The following EMC1 variants were observed in gnomAD, a reference collection of about 807,000 sequenced individuals.
The protein encoded by EMC1 is ER membrane protein complex subunit 1.
A neutral mutation model predicts 128.8 loss-of-function variants in EMC1; 103 were observed. The observed-to-expected ratio is 0.80, with a 90% CI of 0.68 to 0.94. The LOEUF is 0.94. EMC1 is among the 40% of genes least tolerant of loss of function. EMC1 has a pLI of 0.00. For synonymous variants in EMC1, 442 were observed against 490.4 expected (o/e 0.90, Z 1.30); for missense variants, 1,083 against 1,250.6 (o/e 0.87, Z 2.02).
intron 2 of EMC1, among the ~76,000 whole-genome samples, chr1:19,244,331 C>T (rs939441668): frequency 6.6e-6 from 1 of 152,158 alleles, no homozygotes; most frequent in African/African-American, 2.4e-5. Context: ...TATTTTAGTG[C>T]CTAAAAACAT....
rs2093515633 is a variant in EMC1 at position 19,230,840 on chromosome 1, C to T, written c.2064+4G>A. The T allele has an allele frequency of 1.2e-6, 2 of 1,613,506 alleles. No homozygotes were observed. The highest frequency in any genetic ancestry group is 3.3e-5 in the Admixed American group (2 of 59,940). ...AAGGGTTGTGCCAGGACATGCCTTC[C>T]TACCTTTCGAAGCCGATATCCACAC... On this transcript the variant is annotated splice_donor_region_variant and intron_variant, in intron 17 of 22. Coordinates refer to ENST00000477853, the MANE Select transcript of EMC1 (RefSeq NM_015047.3).
rs138442691 is a variant in EMC1, at chr1:19,217,958, T to C, written c.*1345A>G. 8.5e-5 allele frequency: 13 copies of C among 152,318 alleles called. No individual in the cohort carries two copies. The East Asian group carries it at 2.3e-3, about 27-fold the overall frequency. 9.4% of individuals were successfully genotyped at this position (152,318 alleles called of 1,614,324 possible). A position where few individuals can be genotyped will look rare whatever the true frequency, so the allele number is the denominator to read the frequency against. ...ATTTTTAGATAACCTAACCAACCCA[T>C]ATATGATTAAACTGACCTTTCCTTA... is the stretch of plus-strand genomic sequence containing the variant. On this transcript the variant is annotated 3_prime_UTR_variant, in exon 23 of 23. Transcript: ENST00000477853.
chr1:19,221,600 C>CA (rs2093431703), intron 20 of EMC1: 1 of 148,324 alleles, frequency 6.7e-6, no homozygotes, highest in South Asian at 2.2e-4. Context: ...CGCACCACTG[C>CA]ACTCCAGCCT....
chr1:19,250,218 C>CAAAAAA (rs55743743), intron 1 of EMC1, among the ~76,000 whole-genome samples: 3 of 48,228 alleles, frequency 6.2e-5, no homozygotes, highest in African/African-American at 2.1e-4. Context: ...AAAACTGTCT[C>CAAAAAA]AAAAAAAAAA....
At chr1:19,225,557 G>A (rs1284433701) in intron 18 of EMC1, among the ~76,000 whole-genome samples, 1 of 152,134 alleles carries the variant, frequency 6.6e-6, no homozygotes, top group Non-Finnish European at 1.5e-5. Flanking sequence ...TGAGGCAGGA[G>A]AATCTCTTGA....
At chr1:19,236,522 G>A (rs1161699863) in intron 12 of EMC1, among the ~76,000 whole-genome samples, 1 of 150,442 alleles carries the variant, frequency 6.6e-6, no homozygotes, top group Non-Finnish European at 1.5e-5. Flanking sequence ...CAGGCGTGGT[G>A]GTGCATGCCT....
intron 13 of EMC1, 54 bp downstream of exon 13, chr1:19,235,076 T>A (rs1252660458): frequency 1.3e-6 from 2 of 1,594,510 alleles, no homozygotes; most frequent in African/African-American, 1.3e-5. Context: ...CTTGTGGTCA[T>A]TTCCAGACTG....
chr1:19,226,555 A>AT (rs960536124), intron 18 of EMC1, among the ~76,000 whole-genome samples: 2 of 151,698 alleles, frequency 1.3e-5, no homozygotes, highest in Non-Finnish European at 2.9e-5. Context: ...TTTAAAAAAA[A>AT]TTTTTTTTGT....
At chr1:19,226,232 A>G (rs953840496) in intron 18 of EMC1, among the ~76,000 whole-genome samples, 1 of 152,140 alleles carries the variant, frequency 6.6e-6, no homozygotes, top group Non-Finnish European at 1.5e-5. Context: ...CCTCTCTTTA[A>G]CACTAACTAG....
At position 19,223,381 on chromosome 1, in the gene EMC1, G is replaced by A; in HGVS notation, c.2376+15C>T. On this transcript the variant is annotated intron_variant, in intron 19 of 22. Transcript: ENST00000477853. ...CCTCTGGAGCTACCTTGGGTCCCTG[G>A]TAGTGACCGCTTACCACCACCCAGT... 6.2e-7 allele frequency: 1 copy of A among 1,610,942 alleles called. No homozygotes were observed.
chr1:19,227,623 T>C (rs2093485835), intron 17 of EMC1, among the ~76,000 whole-genome samples, 173 bp from the exon 18 acceptor site: 1 of 152,166 alleles, frequency 6.6e-6, no homozygotes, highest in Non-Finnish European at 1.5e-5. Context: ...TCCCAGCACT[T>C]TGGGAGGCCA....
At chr1:19,235,874 C>A (rs1385878329) in intron 12 of EMC1, among the ~76,000 whole-genome samples, 1 of 151,978 alleles carries the variant, frequency 6.6e-6, no homozygotes, top group East Asian at 1.9e-4. Context: ...GACTGGGCAA[C>A]AGTGAGACCT....
chr1:19,232,087 C>A (rs922299139), intron 15 of EMC1, among the ~76,000 whole-genome samples: 1 of 152,238 alleles, frequency 6.6e-6, no homozygotes, highest in Non-Finnish European at 1.5e-5. Flanking sequence ...CATGGTGAGA[C>A]CCTGTCTCTA....
At chr1:19,240,940 G>C in intron 6 of EMC1, 76 bp downstream of exon 6, 1 of 1,538,812 alleles carries the variant, frequency 6.5e-7, no homozygotes, top group Non-Finnish European at 8.8e-7. Flanking sequence ...CAAGTTCCCT[G>C]TTCCCCAGTA....
chr1:19,220,980 G>A, intron 20 of EMC1, 132 bp from the exon 21 acceptor site: 1 of 569,362 alleles, frequency 1.8e-6, no homozygotes, highest in Non-Finnish European at 3.2e-6. Flanking sequence ...CCCTTACATA[G>A]CCAAAAATAA....
rs1033384941 is a variant in EMC1 at position 19,216,222 on chromosome 1, G to A, written c.*3081C>T. Reference sequence around the variant, plus strand: ...ACTGCTCTCCAGCCTGGGTGACAGAGACCCTGCCTCCAAAAAAAAAGCAAT... The same window carrying A: ...ACTGCTCTCCAGCCTGGGTGACAGAAACCCTGCCTCCAAAAAAAAAGCAAT... On this transcript the variant is annotated 3_prime_UTR_variant, in exon 23 of 23. Transcript: ENST00000477853. 1 of 66,360 alleles carries A rather than the reference G, an allele frequency of 1.5e-5. No homozygotes were observed. Among genetic ancestry groups the A allele is most frequent in the Non-Finnish European group, 3.4e-5 (1 of 29,186 alleles). The allele number at this position is 66,360 out of a possible 1,614,324, so 4.1% of individuals were successfully genotyped here. A position where few individuals can be genotyped will look rare whatever the true frequency, so the allele number is the denominator to read the frequency against.
chr1:19,250,716 C>T (rs1416294382), intron 1 of EMC1, among the ~76,000 whole-genome samples: 1 of 152,176 alleles, frequency 6.6e-6, no homozygotes, highest in African/African-American at 2.4e-5. Context: ...CTCACAAGTA[C>T]TGTAAGAGAT....
intron 18 of EMC1, among the ~76,000 whole-genome samples, chr1:19,224,299 T>C (rs1312151072): frequency 1.3e-5 from 2 of 152,124 alleles, no homozygotes; most frequent in Admixed American, 6.6e-5. Context: ...AATGTATATA[T>C]CCAAACCAGA....
chr1:19,225,408 T>G (rs2093465177), intron 18 of EMC1, among the ~76,000 whole-genome samples: 1 of 151,984 alleles, frequency 6.6e-6, no homozygotes, highest in South Asian at 2.1e-4. Context: ...TCCCAGCACT[T>G]AGGGAGGCCA....
Sources: gnomAD v4.1 joint callset for allele counts (sites outside exome capture counted in the v4.1 genomes callset) on GRCh38, gnomAD v4.1.1 for gene constraint, MANE v1.5 for transcripts, NCBI Gene and HGNC (gene_info 2026-07-23, HGNC 2026-07-21) for gene names.